Variants in RBMX2 observed in about 807,000 individuals in gnomAD.
RBMX2 encodes RNA-binding motif protein, X-linked 2.
For synonymous variants in RBMX2, 77 were observed against 94.3 expected, an observed-to-expected ratio of 0.82 and a Z score of 1.07; for missense variants, 191 against 256.0, an observed-to-expected ratio of 0.75 and a Z score of 1.73.
chrX:130,402,446 C>A, intron 2 of RBMX2, 76 bp downstream of exon 2: 1 of 1,141,829 alleles, frequency 8.8e-7, no homozygotes, highest in Admixed American at 2.7e-5. Context: ...GCATTTTCAC[C>A]CTTCACTCCT....
chrX:130,410,246 G>C (rs2034505839), intron 4 of RBMX2, among the ~76,000 whole-genome samples: 1 of 112,141 alleles, frequency 8.9e-6, no homozygotes, highest in Non-Finnish European at 1.9e-5. Context: ...AAGCCACTTA[G>C]GCCTTAAGGT....
chrX:130,402,881 A>G (rs2034463701), intron 2 of RBMX2, among the ~76,000 whole-genome samples: 1 of 112,209 alleles, frequency 8.9e-6, no homozygotes. Context: ...TTATATCACA[A>G]TCAGTAATTG....
At chrX:130,405,890 T>G (rs1390446812) in intron 3 of RBMX2, among the ~76,000 whole-genome samples, 1 of 62,742 alleles carries the variant, frequency 1.6e-5, no homozygotes, top group Non-Finnish European at 2.5e-5. Flanking sequence ...AGTCTCGCTC[T>G]GTCGCCCAGG....
In RBMX2 at chrX:130,412,484, C is replaced by T. The variant is rs2034519148; in HGVS notation, c.605C>T (p.Pro202Leu). ...GTAAAGGAAAAGGATGACACTGGCC[C>T]TAAGAAGCACAGCAGCAAGAACTCA... ...KTVKEKDDTG[P>L]KKHSSKNSER... The change falls in exon 6 of 6, where the codon CCT becomes CTT. Residue 202 changes from proline to leucine, a missense_variant. Coordinates refer to ENST00000305536, the MANE Select transcript of RBMX2 (RefSeq NM_016024.4). 3 of 1,210,287 alleles carry T rather than the reference C, an allele frequency of 2.5e-6. No homozygotes were observed. The highest frequency in any genetic ancestry group is 3.4e-6 in the Non-Finnish European group (3 of 895,090).
At chrX:130,409,066 G>T (rs775296480) in intron 3 of RBMX2, among the ~76,000 whole-genome samples, 191 bp from the exon 4 acceptor site, 2 of 111,667 alleles carry the variant, frequency 1.8e-5, no homozygotes, top group South Asian at 7.5e-4. Context: ...CTTTGCTCTG[G>T]ATATTGCCAC....
chrX:130,410,430 T>TGGTTG (rs2034506676), intron 4 of RBMX2, among the ~76,000 whole-genome samples: 1 of 110,715 alleles, frequency 9.0e-6, no homozygotes, highest in Admixed American at 9.6e-5. Context: ...TCTGTTGCCC[T>TGGTTG]GGTTGGAGTG....
intron 3 of RBMX2, chrX:130,404,136 A>C (rs2062209512): frequency 3.2e-6 from 1 of 315,414 alleles, no homozygotes; most frequent in African/African-American, 2.6e-5. Context: ...AGACTGGAAC[A>C]GACTGGACTC....
At chrX:130,406,673 C>CAA (rs760646561) in intron 3 of RBMX2, among the ~76,000 whole-genome samples, 9 of 58,747 alleles carry the variant, frequency 1.5e-4, no homozygotes, top group African/African-American at 4.0e-4. Flanking sequence ...ACTCTGTCTC[C>CAA]AAAAAAAAAA....
At chrX:130,407,479 G>A (rs1302604791) in intron 3 of RBMX2, among the ~76,000 whole-genome samples, 2 of 110,942 alleles carry the variant, frequency 1.8e-5, no homozygotes, top group East Asian at 2.8e-4. Context: ...AGTTGAATTG[G>A]CTCTAGTATT....
chrX:130,402,238 C>CCCCCCG lies in RBMX2; in HGVS notation c.6-13_6-12insCGCCCC, dbSNP rs1569459664. 8.5e-7 allele frequency: 1 copy of CCCCCCG among 1,182,461 alleles called. No individual in the cohort carries two copies. On this transcript the variant is annotated splice_polypyrimidine_tract_variant and intron_variant, in intron 1 of 5. Transcript: ENST00000305536. ...GCTTTTCTGCCTACCCTCCCCACCC[C>CCCCCCG]CCCCGCCACCGTGAAGCCCTTTAAC... is the stretch of plus-strand genomic sequence containing the variant.
At chrX:130,405,271 C>T (rs898890227) in intron 3 of RBMX2, among the ~76,000 whole-genome samples, 3 of 108,935 alleles carry the variant, frequency 2.8e-5, no homozygotes, top group Non-Finnish European at 5.7e-5. Flanking sequence ...CCCAGCTACT[C>T]GGGAGGTTGA....
rs747518057 is a variant in RBMX2, at chrX:130,406,036, T to C, written c.173+2183T>C. On this transcript the variant is annotated intron_variant, in intron 3 of 5. Coordinates refer to ENST00000305536, the MANE Select transcript of RBMX2 (RefSeq NM_016024.4). ...CGCCCGGCTAATTTTTTTGTATTTT[T>C]AGTAGAGACGGGGTTTCACCGTTTT... 7.6e-4 allele frequency among the ~76,000 whole-genome samples: 57 copies of C among 74,795 alleles called. 3 individuals are homozygous for C. The highest frequency in any genetic ancestry group is 2.0e-3 in the Admixed American group (15 of 7,466). The allele number at this position is 74,795 out of a possible 115,157, so 65.0% of individuals were successfully genotyped here. A position where few individuals can be genotyped will look rare whatever the true frequency, so the allele number is the denominator to read the frequency against.
At chrX:130,409,636 C>G (rs768125607) in intron 4 of RBMX2, among the ~76,000 whole-genome samples, 4 of 111,812 alleles carry the variant, frequency 3.6e-5, no homozygotes, top group African/African-American at 6.5e-5. Context: ...GGCACCAGGC[C>G]TGCCTCTCAT....
intron 4 of RBMX2, among the ~76,000 whole-genome samples, chrX:130,409,947 C>A (rs1403136234): frequency 8.9e-6 from 1 of 112,564 alleles, no homozygotes; most frequent in African/African-American, 3.2e-5. Context: ...AAGTGAGGCA[C>A]TGAGTTCTTA....
chrX:130,406,699 G>A (rs1215520891), intron 3 of RBMX2, among the ~76,000 whole-genome samples: 3 of 105,758 alleles, frequency 2.8e-5, no homozygotes, highest in African/African-American at 7.0e-5. Context: ...AGAACAAAAT[G>A]CTTGGGACCA....
intron 2 of RBMX2, 74 bp downstream of exon 2, chrX:130,402,444 A>C: frequency 8.7e-7 from 1 of 1,143,029 alleles, no homozygotes; most frequent in Non-Finnish European, 1.2e-6. Context: ...CGGCATTTTC[A>C]CCCTTCACTC....
At chrX:130,405,633 CAT>C (rs2034480376) in intron 3 of RBMX2, among the ~76,000 whole-genome samples, 1 of 110,215 alleles carries the variant, frequency 9.1e-6, no homozygotes, top group African/African-American at 3.3e-5. Flanking sequence ...ATGCATCCCT[CAT>C]GGTCTCTTTA....
At chrX:130,404,589 AG>A (rs2034474837) in intron 3 of RBMX2, 1 of 112,657 alleles carries the variant, frequency 8.9e-6, no homozygotes, top group Non-Finnish European at 1.9e-5. Flanking sequence ...TTGGAAGCAT[AG>A]TACTGTTTCA....
chrX:130,402,229 T>TTCCCCCC, intron 1 of RBMX2, 26 bp from the exon 2 acceptor site: 1 of 723,012 alleles, frequency 1.4e-6, no homozygotes, highest in African/African-American at 2.8e-5. Flanking sequence ...CTGCCTACCC[T>TTCCCCCC]CCCCACCCCC....
Sources: gnomAD v4.1 joint callset for allele counts (sites outside exome capture counted in the v4.1 genomes callset) on GRCh38, gnomAD v4.1.1 for gene constraint, MANE v1.5 for transcripts, NCBI Gene and HGNC (gene_info 2026-07-23, HGNC 2026-07-21) for gene names.